The following RTL4 variants were observed in gnomAD, a reference collection of about 807,000 sequenced individuals.
The protein encoded by RTL4 is retrotransposon Gag like 4.
Under a neutral mutation model 5.3 loss-of-function variants are expected in RTL4, and 4 were observed. That is an observed-to-expected ratio of 0.75 (90% CI 0.37 to 1.72). The LOEUF is 1.72. Ranked by LOEUF, RTL4 falls within the 40% of genes most tolerant of loss-of-function variation. RTL4 has a pLI of 0.04. For synonymous variants in RTL4, 98 were observed against 87.3 expected, an observed-to-expected ratio of 1.12 and a Z score of -0.68; for missense variants, 260 against 227.1, an observed-to-expected ratio of 1.14 and a Z score of -0.93.
chrX:112,430,276 A>G, the RTL4 span, among the ~76,000 whole-genome samples: 1 of 110,184 alleles, frequency 9.1e-6, no homozygotes, highest in Non-Finnish European at 1.9e-5. Flanking sequence ...CAAATTGAGA[A>G]GTTTCTATTA....
chrX:112,234,636 T>A, the RTL4 span, among the ~76,000 whole-genome samples: 1 of 112,048 alleles, frequency 8.9e-6, no homozygotes, highest in Non-Finnish European at 1.9e-5. Context: ...CCCGCCCACC[T>A]GTACGTGCTC....
the RTL4 span, among the ~76,000 whole-genome samples, chrX:112,257,428 C>A: frequency 1.8e-5 from 2 of 110,904 alleles, no homozygotes; most frequent in African/African-American, 3.3e-5. Flanking sequence ...TACTTATGTC[C>A]TTTTCTGCTT....
At chrX:112,196,168 G>A in the RTL4 span, among the ~76,000 whole-genome samples, 1 of 111,174 alleles carries the variant, frequency 9.0e-6, no homozygotes, top group Non-Finnish European at 1.9e-5. Context: ...TTAATCACTA[G>A]CATATACTAA....
chrX:112,105,424 G>T, the RTL4 span, among the ~76,000 whole-genome samples: 1 of 110,833 alleles, frequency 9.0e-6, no homozygotes, highest in South Asian at 3.7e-4. Context: ...TTTCTGTGAG[G>T]GATATCATTG....
the RTL4 span, among the ~76,000 whole-genome samples, chrX:112,304,525 C>T: frequency 4.5e-5 from 5 of 110,387 alleles, no homozygotes; most frequent in Admixed American, 9.7e-5. Flanking sequence ...AAGAAATTTC[C>T]GGGAACCGTG....
the RTL4 span, among the ~76,000 whole-genome samples, chrX:112,147,442 G>C: frequency 9.0e-6 from 1 of 111,323 alleles, no homozygotes. Context: ...TGGTTGGTCA[G>C]TGTTAGGAAA....
chrX:112,359,754 A>G, the RTL4 span, among the ~76,000 whole-genome samples: 1,011 of 110,936 alleles, frequency 9.1e-3, 16 homozygotes, highest in African/African-American at 0.032. Flanking sequence ...AGGCATTGAA[A>G]TCCAGGCTCT....
chrX:112,335,575 T>C, the RTL4 span, among the ~76,000 whole-genome samples: 1 of 111,208 alleles, frequency 9.0e-6, no homozygotes, highest in African/African-American at 3.2e-5. Flanking sequence ...CTTACAGTTT[T>C]CAATGTCTTA....
chrX:112,293,330 C>A, the RTL4 span, among the ~76,000 whole-genome samples: 7 of 112,391 alleles, frequency 6.2e-5, no homozygotes, highest in East Asian at 2.0e-3. Context: ...GACACATATT[C>A]CTTGTCTTCT....
the RTL4 span, among the ~76,000 whole-genome samples, chrX:112,416,702 C>T: frequency 1.8e-5 from 2 of 112,080 alleles, no homozygotes; most frequent in Middle Eastern, 9.3e-3. Context: ...AGATAGGCTG[C>T]AGTATTTCAA....
chrX:112,113,618 G>A, the RTL4 span, among the ~76,000 whole-genome samples: 4 of 111,056 alleles, frequency 3.6e-5, no homozygotes, highest in Non-Finnish European at 1.9e-5. Flanking sequence ...CGCTTGCTCC[G>A]GGCACCCTCA....
chrX:112,258,648 G>GTTACATTT, the RTL4 span, among the ~76,000 whole-genome samples: 1 of 110,547 alleles, frequency 9.0e-6, no homozygotes, highest in Non-Finnish European at 1.9e-5. Context: ...TTTGTCCTAT[G>GTTACATTT]TTACATTTTT....
chrX:112,294,807 C>T, the RTL4 span, among the ~76,000 whole-genome samples: 1 of 111,601 alleles, frequency 9.0e-6, no homozygotes, highest in Admixed American at 9.5e-5. Flanking sequence ...CTAAGAAGTT[C>T]ATTTCATTAG....
chrX:112,161,836 C>CTTTTCTTTCTTTCTTTCTTTCTTTCTTT, the RTL4 span, among the ~76,000 whole-genome samples: 16 of 35,226 alleles, frequency 4.5e-4, no homozygotes, highest in African/African-American at 1.8e-3. Flanking sequence ...TTCCTTCCTT[C>CTTTTCTTTCTTTCTTTCTTTCTTTCTTT]CTTCCTTCCT....
At chrX:112,316,969 A>G in the RTL4 span, among the ~76,000 whole-genome samples, 2 of 112,268 alleles carry the variant, frequency 1.8e-5, no homozygotes, top group African/African-American at 6.5e-5. Context: ...ATAATATAAC[A>G]TTATGATCTG....
the RTL4 span, among the ~76,000 whole-genome samples, chrX:112,262,687 T>G: frequency 1.8e-5 from 2 of 111,431 alleles, no homozygotes; most frequent in Non-Finnish European, 3.8e-5. Flanking sequence ...AGTGATCCCA[T>G]TACTGGGTAT....
chrX:112,305,169 T>G, the RTL4 span, among the ~76,000 whole-genome samples: 13 of 102,289 alleles, frequency 1.3e-4, no homozygotes, highest in African/African-American at 3.9e-4. Context: ...TATCTTTGTG[T>G]TTTTTTTGTC....
At chrX:112,415,862 T>G in the RTL4 span, among the ~76,000 whole-genome samples, 2 of 111,777 alleles carry the variant, frequency 1.8e-5, no homozygotes, top group African/African-American at 6.5e-5. Flanking sequence ...CAGATTTGTC[T>G]GACTTCCAAG....
chrX:112,249,366 A>C, the RTL4 span, among the ~76,000 whole-genome samples: 9 of 111,022 alleles, frequency 8.1e-5, no homozygotes, highest in African/African-American at 2.6e-4. Context: ...ATTCAGACCA[A>C]GGGGTTCTGA....
Sources: gnomAD v4.1 joint callset for allele counts (sites outside exome capture counted in the v4.1 genomes callset) on GRCh38, gnomAD v4.1.1 for gene constraint, MANE v1.5 for transcripts, NCBI Gene and HGNC (gene_info 2026-07-23, HGNC 2026-07-21) for gene names.